TCERG1L: variants seen among roughly 807,000 people sequenced by gnomAD.
TCERG1L encodes transcription elongation regulator 1-like protein.
A neutral mutation model predicts 56.3 loss-of-function variants in TCERG1L; 37 were observed. That is an observed-to-expected ratio of 0.66 (90% CI 0.51 to 0.87). The LOEUF (loss-of-function observed/expected upper bound fraction) is 0.87, where lower values mean the gene tolerates loss of function less well. Among genes scored for constraint, TCERG1L ranks in the 40% least tolerant of loss-of-function variants. The pLI is 0.00. For synonymous variants in TCERG1L, 324 were observed against 326.3 expected (o/e 0.99, Z 0.08); for missense variants, 799 against 774.2 (o/e 1.03, Z -0.38).
chr10:131,309,257 AG>A lies in TCERG1L; in HGVS notation c.384del (p.Ser129LeufsTer27). 6.2e-7 allele frequency: 1 copy of A among 1,604,540 alleles called. No homozygotes were observed. The highest frequency in any genetic ancestry group is 1.3e-5 in the African/African-American group (1 of 74,270). On this transcript the variant is annotated frameshift_variant, in exon 2 of 12. Transcript: ENST00000368642. LOFTEE classifies it high-confidence loss of function. ...GGHSPSLGLPPSSTVELVPVF... is the reference protein window; with the variant it reads ...GGHSPSLGLPXSSTVELVPVF... ...ACGGGCACCAGCTCCACTGTGGAAG[AG>A]GGGGGCAGTCCTAGGGACGGAGAAT...
At chr10:131,274,047 G>A (rs999094705) in intron 3 of TCERG1L, among the ~76,000 whole-genome samples, 12 of 152,094 alleles carry the variant, frequency 7.9e-5, no homozygotes, top group African/African-American at 1.9e-4. Context: ...GGGCCTGGGC[G>A]TGTGATGGAA....
intron 7 of TCERG1L, among the ~76,000 whole-genome samples, chr10:131,138,538 C>T (rs1249353398): frequency 1.3e-5 from 2 of 152,136 alleles, no homozygotes; most frequent in East Asian, 3.8e-4. Flanking sequence ...CAAAAGCATG[C>T]AAAACCAGGA....
rs537973779 is a variant in TCERG1L at position 131,231,978 on chromosome 10, A to C, written c.856+28281T>G. Among the ~76,000 whole-genome samples, 5 of 152,284 alleles carry C rather than the reference A, an allele frequency of 3.3e-5. No homozygotes were observed. In the South Asian group the frequency reaches 1.0e-3, roughly 32 times the overall value. Reference sequence around the variant, plus strand: ...AGGAAGCTGCTTTCCATGTGTGAACAATGGCAGAAATGGCCCCCGTTCCTC... The same window carrying C: ...AGGAAGCTGCTTTCCATGTGTGAACCATGGCAGAAATGGCCCCCGTTCCTC... On this transcript the variant is annotated intron_variant, in intron 4 of 11. Coordinates refer to ENST00000368642, the MANE Select transcript of TCERG1L (RefSeq NM_174937.4).
chr10:131,104,256 C>G lies in TCERG1L; in HGVS notation c.1485+9G>C, dbSNP rs1845329504. On this transcript the variant is annotated intron_variant, in intron 10 of 11. Transcript: ENST00000368642. ...TCTCTGCAGTCAAAGTGCCTTCCCACCCAGTTACCTGCTTTCGTTCCTCAG... is the reference window on the plus strand; with the variant it reads ...TCTCTGCAGTCAAAGTGCCTTCCCAGCCAGTTACCTGCTTTCGTTCCTCAG... 8 of 1,543,962 alleles carry G rather than the reference C, an allele frequency of 5.2e-6. No homozygotes were observed. Among genetic ancestry groups the G allele is most frequent in the Non-Finnish European group, 7.0e-6 (8 of 1,140,324 alleles).
intron 4 of TCERG1L, among the ~76,000 whole-genome samples, chr10:131,238,817 G>A (rs79507444): frequency 0.032 from 4,926 of 152,192 alleles, 306 homozygotes; most frequent in East Asian, 0.24. Flanking sequence ...GCTTTGACTC[G>A]GCGCTCAGGC....
At chr10:131,217,708 C>CTTTTTT (rs534101797) in intron 4 of TCERG1L, among the ~76,000 whole-genome samples, 3 of 79,044 alleles carry the variant, frequency 3.8e-5, no homozygotes, top group Non-Finnish European at 7.0e-5. Context: ...AGTAGCTGCC[C>CTTTTTT]TTTTTTTTTT....
intron 4 of TCERG1L, among the ~76,000 whole-genome samples, chr10:131,212,447 C>T (rs946990069): frequency 1.3e-5 from 2 of 152,228 alleles, no homozygotes; most frequent in African/African-American, 4.8e-5. Flanking sequence ...CTCCATTTAT[C>T]CAGCCTAAAT....
intron 1 of TCERG1L, among the ~76,000 whole-genome samples, chr10:131,310,035 G>A (rs551603156): frequency 6.6e-6 from 1 of 152,036 alleles, no homozygotes; most frequent in Admixed American, 6.5e-5. Flanking sequence ...TTTTAAAATC[G>A]TAAAAGCATT....
At chr10:131,180,692 G>C (rs1419071542) in intron 4 of TCERG1L, among the ~76,000 whole-genome samples, 1 of 152,134 alleles carries the variant, frequency 6.6e-6, no homozygotes, top group Non-Finnish European at 1.5e-5. Context: ...CGTTATCTCA[G>C]CCTACGCATC....
intron 8 of TCERG1L, among the ~76,000 whole-genome samples, chr10:131,123,066 G>A (rs1451532307): frequency 6.6e-6 from 1 of 152,154 alleles, no homozygotes; most frequent in African/African-American, 2.4e-5. Flanking sequence ...GCCCCACACA[G>A]CTGTCATGAG....
At chr10:131,211,679 A>G (rs958345514) in intron 4 of TCERG1L, among the ~76,000 whole-genome samples, 9 of 152,074 alleles carry the variant, frequency 5.9e-5, no homozygotes, top group Admixed American at 5.2e-4. Context: ...AACAACATAA[A>G]TGCAGCACGA....
chr10:131,249,921 C>G (rs558565704), intron 4 of TCERG1L, among the ~76,000 whole-genome samples: 8 of 152,244 alleles, frequency 5.3e-5, no homozygotes, highest in Non-Finnish European at 1.2e-4. Flanking sequence ...CAAACACTGT[C>G]TCCTCCCAGC....
At chr10:131,135,973 G>T (rs962585760) in intron 7 of TCERG1L, among the ~76,000 whole-genome samples, 1 of 152,216 alleles carries the variant, frequency 6.6e-6, no homozygotes, top group Non-Finnish European at 1.5e-5. Context: ...TGCTGACTCC[G>T]GAGCTGGACT....
intron 4 of TCERG1L, among the ~76,000 whole-genome samples, chr10:131,225,960 C>T (rs954668046): frequency 6.6e-6 from 1 of 152,218 alleles, no homozygotes; most frequent in Non-Finnish European, 1.5e-5. Context: ...TTTATTTGAA[C>T]AGGGTCTCAC....
intron 8 of TCERG1L, 63 bp from the exon 9 acceptor site, chr10:131,116,997 ACCTT>A: frequency 1.3e-6 from 2 of 1,529,376 alleles, no homozygotes; most frequent in Middle Eastern, 1.7e-4. Flanking sequence ...TTTTATTGCA[ACCTT>A]TACAAACCCT....
At chr10:131,115,627 G>A (rs943917686) in intron 9 of TCERG1L, among the ~76,000 whole-genome samples, 1 of 130,346 alleles carries the variant, frequency 7.7e-6, no homozygotes, top group Non-Finnish European at 1.7e-5. Context: ...GTTCCCTGAG[G>A]CCCAGGGCTG....
At chr10:131,272,052 T>C (rs1846345053) in intron 3 of TCERG1L, among the ~76,000 whole-genome samples, 1 of 152,116 alleles carries the variant, frequency 6.6e-6, no homozygotes, top group East Asian at 1.9e-4. Context: ...GAGATAAGCC[T>C]GGGTCCACAG....
At chr10:131,155,279 A>G (rs1452610035) in intron 6 of TCERG1L, among the ~76,000 whole-genome samples, 2 of 152,214 alleles carry the variant, frequency 1.3e-5, no homozygotes, top group African/African-American at 4.8e-5. Flanking sequence ...TTACCAATCC[A>G]TCTTTAGTTA....
chr10:131,309,060 A>C (rs1227630216), intron 2 of TCERG1L, 93 bp downstream of exon 2: 1 of 1,452,178 alleles, frequency 6.9e-7, no homozygotes, highest in East Asian at 2.4e-5. Flanking sequence ...TTATGGCAAC[A>C]AGAAAATACA....
Sources: gnomAD v4.1 joint callset for allele counts (sites outside exome capture counted in the v4.1 genomes callset) on GRCh38, gnomAD v4.1.1 for gene constraint, MANE v1.5 for transcripts, NCBI Gene and HGNC (gene_info 2026-07-23, HGNC 2026-07-21) for gene names.